KLF8: variants seen among roughly 807,000 people sequenced by gnomAD.
KLF8 encodes KLF transcription factor 8, also known as Krueppel-like factor 8.
KLF8 carries 10 observed loss-of-function variants against 18.2 expected under a neutral mutation model. The observed-to-expected ratio is 0.55, with a 90% CI of 0.34 to 0.93. KLF8 has a LOEUF of 0.93. Among genes scored for constraint, KLF8 ranks in the 40% least tolerant of loss-of-function variants. The pLI, the probability that KLF8 is intolerant of heterozygous loss-of-function variation, is 0.02. For synonymous variants in KLF8, 109 were observed against 97.3 expected (o/e 1.12, Z -0.71); for missense variants, 264 against 277.9 (o/e 0.95, Z 0.36).
chrX:56,135,118 T>G, the KLF8 span, among the ~76,000 whole-genome samples: 11 of 111,592 alleles, frequency 9.9e-5, no homozygotes, highest in African/African-American at 3.6e-4. Context: ...GGAAACTAGT[T>G]CAACCATTGT....
At chrX:56,050,370 T>A in the KLF8 span, among the ~76,000 whole-genome samples, 1 of 112,389 alleles carries the variant, frequency 8.9e-6, no homozygotes, top group Non-Finnish European at 1.9e-5. Flanking sequence ...AGTGTGTCAA[T>A]TTTAGATCTT....
At chrX:56,274,953 T>C (rs1245189633) in intron 5 of KLF8, among the ~76,000 whole-genome samples, 1 of 112,208 alleles carries the variant, frequency 8.9e-6, no homozygotes, top group Non-Finnish European at 1.9e-5. Context: ...TTCAGTTTTA[T>C]TATTTTTGCT....
At chrX:56,026,341 T>C in the KLF8 span, among the ~76,000 whole-genome samples, 3 of 111,795 alleles carry the variant, frequency 2.7e-5, no homozygotes, top group African/African-American at 3.3e-5. Context: ...CAAGCTGAGA[T>C]TGTCTGGGTA....
chrX:56,272,199 C>T (rs1218453855), intron 5 of KLF8, among the ~76,000 whole-genome samples: 1 of 110,107 alleles, frequency 9.1e-6, no homozygotes, highest in East Asian at 2.9e-4. Flanking sequence ...CAACTGATGT[C>T]TACATGAATC....
chrX:55,944,145 G>A, the KLF8 span, among the ~76,000 whole-genome samples: 18 of 110,087 alleles, frequency 1.6e-4, no homozygotes, highest in East Asian at 1.1e-3. Context: ...ATTGATTTGC[G>A]TATATTGAAC....
the KLF8 span, among the ~76,000 whole-genome samples, chrX:55,950,254 G>A: frequency 9.0e-6 from 1 of 110,764 alleles, no homozygotes; most frequent in African/African-American, 3.3e-5. Context: ...GAGGTGTAAT[G>A]TTTCACCAAG....
chrX:56,074,198 C>T, the KLF8 span, among the ~76,000 whole-genome samples: 2 of 112,273 alleles, frequency 1.8e-5, no homozygotes, highest in Admixed American at 1.9e-4. Flanking sequence ...ACAGCCTTAT[C>T]AGATATGTGA....
the KLF8 span, among the ~76,000 whole-genome samples, chrX:55,967,440 G>A: frequency 9.1e-6 from 1 of 109,803 alleles, no homozygotes; most frequent in African/African-American, 3.3e-5. Flanking sequence ...AATCTTACAG[G>A]ACAGGAAAGA....
chrX:56,005,794 G>A, the KLF8 span, among the ~76,000 whole-genome samples: 3 of 112,259 alleles, frequency 2.7e-5, no homozygotes, highest in Non-Finnish European at 3.8e-5. Flanking sequence ...CTGGCAGAGC[G>A]GTGCAGGTGA....
At chrX:56,181,011 T>C in the KLF8 span, among the ~76,000 whole-genome samples, 1 of 111,266 alleles carries the variant, frequency 9.0e-6, no homozygotes, top group African/African-American at 3.3e-5. Flanking sequence ...AAGTCCTGAA[T>C]GTCCTTGTTA....
chrX:56,273,333 T>C (rs1263478937), intron 5 of KLF8, among the ~76,000 whole-genome samples: 2 of 108,617 alleles, frequency 1.8e-5, no homozygotes, highest in Non-Finnish European at 3.8e-5. Flanking sequence ...AAGCTAATTA[T>C]ACTCTTTTAG....
chrX:56,091,731 A>G, the KLF8 span, among the ~76,000 whole-genome samples: 1 of 111,676 alleles, frequency 9.0e-6, no homozygotes, highest in Non-Finnish European at 1.9e-5. Context: ...CTGACCTCAG[A>G]TGATCCACCC....
chrX:55,964,736 C>T, the KLF8 span, among the ~76,000 whole-genome samples: 21 of 111,775 alleles, frequency 1.9e-4, no homozygotes, highest in East Asian at 4.5e-3. Flanking sequence ...ACCACAACCC[C>T]ACAGAAATAC....
chrX:56,056,761 G>A, the KLF8 span, among the ~76,000 whole-genome samples: 2 of 94,958 alleles, frequency 2.1e-5, no homozygotes, highest in Non-Finnish European at 4.1e-5. Context: ...TAACTAACCT[G>A]CACAATGTGC....
chrX:56,157,629 T>C, the KLF8 span, among the ~76,000 whole-genome samples: 1 of 111,981 alleles, frequency 8.9e-6, no homozygotes, highest in Admixed American at 9.5e-5. Flanking sequence ...TTTGCAATTC[T>C]CTGATGGCCA....
the KLF8 span, among the ~76,000 whole-genome samples, chrX:56,058,291 T>TATATATATAC: frequency 1.0e-3 from 22 of 21,128 alleles, no homozygotes; most frequent in African/African-American, 2.4e-3. Context: ...TATATATATA[T>TATATATATAC]ATATATATAT....
At chrX:56,188,524 C>A in the KLF8 span, among the ~76,000 whole-genome samples, 15 of 111,600 alleles carry the variant, frequency 1.3e-4, no homozygotes, top group South Asian at 1.1e-3. Context: ...AAACTACTTT[C>A]AAGTTCATAT....
At chrX:55,926,421 T>A in the KLF8 span, among the ~76,000 whole-genome samples, 1 of 110,550 alleles carries the variant, frequency 9.0e-6, no homozygotes. Flanking sequence ...GTACTCTCCA[T>A]GTTTCTAAAA....
At chrX:56,166,597 C>T in the KLF8 span, among the ~76,000 whole-genome samples, 1 of 112,161 alleles carries the variant, frequency 8.9e-6, no homozygotes, top group East Asian at 2.8e-4. Context: ...TTAATGGACA[C>T]GTGGCATCTA....
Sources: gnomAD v4.1 joint callset for allele counts (sites outside exome capture counted in the v4.1 genomes callset) on GRCh38, gnomAD v4.1.1 for gene constraint, MANE v1.5 for transcripts, NCBI Gene and HGNC (gene_info 2026-07-23, HGNC 2026-07-21) for gene names.